FRMD4B: variants seen among roughly 807,000 people sequenced by gnomAD.
FRMD4B encodes the protein FERM domain containing 4B.
A neutral mutation model predicts 141.5 loss-of-function variants in FRMD4B; 74 were observed. The ratio of observed to expected loss-of-function variants is 0.52; its 90% confidence interval spans 0.43 to 0.63. The LOEUF is 0.63. Ranked by LOEUF, FRMD4B falls within the 30% of genes least tolerant of loss-of-function variation. The pLI, the probability that FRMD4B is intolerant of heterozygous loss-of-function variation, is 0.00. For missense variants in FRMD4B, 1,366 were observed against 1,253.4 expected, an observed-to-expected ratio of 1.09 and a Z score of -1.36; for synonymous variants, 506 against 467.9, an observed-to-expected ratio of 1.08 and a Z score of -1.05.
At chr3:69,446,703 G>A (rs1705415988) in intron 1 of FRMD4B, among the ~76,000 whole-genome samples, 1 of 152,138 alleles carries the variant, frequency 6.6e-6, no homozygotes, top group African/African-American at 2.4e-5. Flanking sequence ...AACTCAATTT[G>A]TTGCTTGGAA....
intron 3 of FRMD4B, among the ~76,000 whole-genome samples, chr3:69,304,249 C>T (rs1471126006): frequency 3.3e-5 from 5 of 151,462 alleles, no homozygotes; most frequent in South Asian, 4.2e-4. Context: ...TTTGGGAGGC[C>T]GAGGTGGGCA....
chr3:69,469,880 C>T (rs944318335), intron 1 of FRMD4B, among the ~76,000 whole-genome samples: 1 of 152,152 alleles, frequency 6.6e-6, no homozygotes, highest in Non-Finnish European at 1.5e-5. Flanking sequence ...TCTCTATGGT[C>T]CCCTCAGGGT....
At chr3:69,214,257 T>C (rs1222644659) in intron 11 of FRMD4B, among the ~76,000 whole-genome samples, 1 of 152,186 alleles carries the variant, frequency 6.6e-6, no homozygotes, top group Non-Finnish European at 1.5e-5. Context: ...AGATTGGCTG[T>C]TTTTCTAACA....
intron 5 of FRMD4B, among the ~76,000 whole-genome samples, chr3:69,259,986 T>C (rs1463223018): frequency 6.6e-6 from 1 of 152,196 alleles, no homozygotes; most frequent in East Asian, 1.9e-4. Context: ...GATCATAAAG[T>C]TTTGTGATAT....
At chr3:69,241,994 A>C (rs1394768541) in intron 7 of FRMD4B, among the ~76,000 whole-genome samples, 2 of 152,204 alleles carry the variant, frequency 1.3e-5, no homozygotes, top group Non-Finnish European at 2.9e-5. Context: ...ATGTGACCTA[A>C]ATAGTAAGCT....
chr3:69,394,647 C>T (rs1226766192), intron 2 of FRMD4B, among the ~76,000 whole-genome samples: 1 of 152,154 alleles, frequency 6.6e-6, no homozygotes, highest in Admixed American at 6.5e-5. Flanking sequence ...TACCATTTGA[C>T]CCAGCAATCC....
At chr3:69,318,994 T>C (rs967269447) in intron 1 of FRMD4B, among the ~76,000 whole-genome samples, 10 of 152,118 alleles carry the variant, frequency 6.6e-5, no homozygotes, top group South Asian at 2.1e-4. Flanking sequence ...CAAACCCTGA[T>C]TGAAGTGGTG....
rs1553691418 is a variant in FRMD4B at position 69,169,353 on chromosome 3, C to CTTCCTTTTTTTTTTTTTTTT, written c.*2507_*2508insAAAAAAAAAAAAAAAAGGAA. 1.0e-4 allele frequency among the ~76,000 whole-genome samples: 3 copies of CTTCCTTTTTTTTTTTTTTTT among 29,286 alleles called. 1 individual carries two copies. Among genetic ancestry groups the CTTCCTTTTTTTTTTTTTTTT allele is most frequent in the Non-Finnish European group, 5.5e-4 (3 of 5,488 alleles). The allele number at this position is 29,286 out of a possible 152,430, so 19.2% of individuals were successfully genotyped here. On this transcript the variant is annotated 3_prime_UTR_variant, in exon 23 of 23. Transcript: ENST00000398540. ...AGGATTGCTGAACTTCCATTTCTTT[C>CTTCCTTTTTTTTTTTTTTTT]TTTTTTTTTTTTTTTTTTTTTTCTT... is the stretch of plus-strand genomic sequence containing the variant.
chr3:69,412,265 A>G (rs1704772800), intron 2 of FRMD4B, among the ~76,000 whole-genome samples: 1 of 152,240 alleles, frequency 6.6e-6, no homozygotes, highest in Non-Finnish European at 1.5e-5. Context: ...TGCAGATTCA[A>G]TAGACCTTTT....
intron 1 of FRMD4B, among the ~76,000 whole-genome samples, chr3:69,532,494 A>G (rs1233960717): frequency 6.6e-6 from 1 of 152,228 alleles, no homozygotes; most frequent in Non-Finnish European, 1.5e-5. Flanking sequence ...GAAGGATCTC[A>G]AGTGTCAATA....
At chr3:69,277,859 CTT>C (rs57048532) in intron 5 of FRMD4B, among the ~76,000 whole-genome samples, 6 of 147,718 alleles carry the variant, frequency 4.1e-5, no homozygotes, top group African/African-American at 5.0e-5. Flanking sequence ...TTCTTTCTTT[CTT>C]TTTTTTTTTC....
At chr3:69,530,084 C>G (rs1700989679) in intron 1 of FRMD4B, among the ~76,000 whole-genome samples, 1 of 152,360 alleles carries the variant, frequency 6.6e-6, no homozygotes, top group East Asian at 1.9e-4. Flanking sequence ...CGGAATACAG[C>G]CACACCCATT....
At chr3:69,303,689 G>A (rs1701294818) in intron 3 of FRMD4B, among the ~76,000 whole-genome samples, 1 of 152,170 alleles carries the variant, frequency 6.6e-6, no homozygotes, top group African/African-American at 2.4e-5. Flanking sequence ...CTAGCACTTG[G>A]GAGGCCAAGG....
chr3:69,412,049 T>C (rs1216027146), intron 2 of FRMD4B, among the ~76,000 whole-genome samples: 2 of 152,240 alleles, frequency 1.3e-5, no homozygotes, highest in East Asian at 3.8e-4. Context: ...TGCCAAGCAC[T>C]ACTTTCAGCA....
intron 1 of FRMD4B, chr3:69,542,123 G>T (rs955110659): frequency 6.6e-6 from 1 of 151,916 alleles, no homozygotes; most frequent in Non-Finnish European, 1.5e-5. Context: ...TGCGCCCGGG[G>T]CGCACCGGGC....
chr3:69,346,532 G>A (rs1702949833), intron 1 of FRMD4B, among the ~76,000 whole-genome samples: 1 of 152,136 alleles, frequency 6.6e-6, no homozygotes, highest in Non-Finnish European at 1.5e-5. Flanking sequence ...ATAATTGTCA[G>A]ATTCACCAAA....
Position 69,516,475 on chromosome 3 carries a change from C to T in FRMD4B, c.-129+25731G>A, listed in dbSNP as rs370390900. 2.4e-4 allele frequency among the ~76,000 whole-genome samples: 36 copies of T among 152,176 alleles called. No homozygotes were observed. In the East Asian group the frequency reaches 6.4e-3, roughly 27 times the overall value. On this transcript the variant is annotated intron_variant, in intron 1 of 5. Transcript: ENST00000459638. Reference sequence around the variant, plus strand: ...GAAAATGGAGAAAGGAGCCCAAAGCCAAGGAATATAGGCAGCTCCCAGAAA... The same window carrying T: ...GAAAATGGAGAAAGGAGCCCAAAGCTAAGGAATATAGGCAGCTCCCAGAAA...
At chr3:69,173,277 C>T (rs535255186) in intron 22 of FRMD4B, among the ~76,000 whole-genome samples, 13 of 152,128 alleles carry the variant, frequency 8.5e-5, no homozygotes, top group Admixed American at 3.9e-4. Flanking sequence ...ATTTCTACTT[C>T]GGAAAGTTTA....
chr3:69,247,707 G>A (rs1376468075), intron 7 of FRMD4B, among the ~76,000 whole-genome samples: 1 of 152,130 alleles, frequency 6.6e-6, no homozygotes, highest in African/African-American at 2.4e-5. Flanking sequence ...GGACTGCAGT[G>A]GCACTATCTC....
Sources: allele counts gnomAD v4.1 joint callset (sites outside exome capture counted in the v4.1 genomes callset), GRCh38; gene constraint gnomAD v4.1.1; transcripts MANE v1.5; gene names NCBI Gene and HGNC (gene_info 2026-07-23, HGNC 2026-07-21).